Variants in SLC9A9 observed in about 807,000 individuals in gnomAD.
The protein encoded by SLC9A9 is solute carrier family 9 member A9.
SLC9A9 carries 62 observed loss-of-function variants against 77.8 expected under a neutral mutation model. The ratio of observed to expected loss-of-function variants is 0.80; its 90% confidence interval spans 0.65 to 0.98. The LOEUF is 0.98. Ranked by LOEUF, SLC9A9 falls within the 50% of genes least tolerant of loss-of-function variation. SLC9A9 has a pLI of 0.00. For synonymous variants in SLC9A9, 320 were observed against 283.5 expected (o/e 1.13, Z -1.29); for missense variants, 775 against 774.9 (o/e 1.00, Z 0.00).
chr3:143,366,525 T>C (rs2032906617), intron 13 of SLC9A9, among the ~76,000 whole-genome samples: 2 of 152,330 alleles, frequency 1.3e-5, no homozygotes, highest in South Asian at 4.1e-4. Context: ...GGCTGCAGTT[T>C]CCTTGTCTGT....
intron 9 of SLC9A9, among the ~76,000 whole-genome samples, chr3:143,532,594 A>AT: frequency 6.6e-6 from 1 of 152,330 alleles, no homozygotes; most frequent in East Asian, 1.9e-4. Context: ...AAAATCATGA[A>AT]ACTCGAATAT....
chr3:143,786,692 AT>A lies in SLC9A9; in HGVS notation c.533+8308del, dbSNP rs531372120. ...GGTTGTACTTGACAGATTAGAGATT[AT>A]TTTTTCTTATTTGGCTGTGTCAGGG... On this transcript the variant is annotated intron_variant, in intron 4 of 15. Transcript: ENST00000316549. Among the ~76,000 whole-genome samples the A allele has an allele frequency of 7.2e-5, 11 of 152,176 alleles. No homozygotes were observed. The East Asian group carries it at 2.1e-3, about 29-fold the overall frequency.
At chr3:143,666,548 C>T (rs952288392) in intron 5 of SLC9A9, among the ~76,000 whole-genome samples, 1 of 152,048 alleles carries the variant, frequency 6.6e-6, no homozygotes, top group African/African-American at 2.4e-5. Context: ...TCAAATTGTC[C>T]CTGTTTGCAG....
intron 12 of SLC9A9, among the ~76,000 whole-genome samples, chr3:143,442,625 G>A (rs1390336639): frequency 1.3e-5 from 2 of 152,200 alleles, no homozygotes; most frequent in African/African-American, 4.8e-5. Context: ...GGAGGCTGAG[G>A]GAGGGAGAAT....
intron 6 of SLC9A9, among the ~76,000 whole-genome samples, chr3:143,599,482 TG>T (rs1330088278): frequency 6.6e-6 from 1 of 152,108 alleles, no homozygotes; most frequent in Non-Finnish European, 1.5e-5. Flanking sequence ...TGCTATTAAT[TG>T]TAGTTGAGAT....
chr3:143,672,714 C>T (rs2039177830), intron 5 of SLC9A9, among the ~76,000 whole-genome samples: 1 of 152,036 alleles, frequency 6.6e-6, no homozygotes, highest in Non-Finnish European at 1.5e-5. Flanking sequence ...CAGCAAAATG[C>T]CCTGTTTAAT....
At chr3:143,595,543 G>C (rs902604971) in intron 6 of SLC9A9, among the ~76,000 whole-genome samples, 3 of 152,152 alleles carry the variant, frequency 2.0e-5, no homozygotes, top group Non-Finnish European at 4.4e-5. Context: ...TGTTAGAGTT[G>C]TATTCCTCTT....
intron 5 of SLC9A9, among the ~76,000 whole-genome samples, chr3:143,658,448 C>T (rs2038930194): frequency 6.6e-6 from 1 of 152,196 alleles, no homozygotes; most frequent in Admixed American, 6.5e-5. Context: ...CATGCAATAA[C>T]CAGCTGATTC....
chr3:143,795,743 A>C (rs2008368301), intron 3 of SLC9A9, among the ~76,000 whole-genome samples: 1 of 152,142 alleles, frequency 6.6e-6, no homozygotes, highest in African/African-American at 2.4e-5. Context: ...ACAAAACAAA[A>C]CAAATCCCCC....
At chr3:143,830,013 A>G (rs950481841) in intron 2 of SLC9A9, among the ~76,000 whole-genome samples, 3 of 152,140 alleles carry the variant, frequency 2.0e-5, no homozygotes, top group African/African-American at 4.8e-5. Context: ...ACATTACTCA[A>G]TGTTACCTCC....
intron 4 of SLC9A9, among the ~76,000 whole-genome samples, chr3:143,709,792 A>C (rs1036106253): frequency 2.0e-5 from 3 of 152,188 alleles, no homozygotes; most frequent in Non-Finnish European, 4.4e-5. Context: ...TAGGAAATGA[A>C]AAAACGAGTG....
At chr3:143,595,340 T>G (rs1462719181) in intron 6 of SLC9A9, among the ~76,000 whole-genome samples, 1 of 152,230 alleles carries the variant, frequency 6.6e-6, no homozygotes, top group Non-Finnish European at 1.5e-5. Flanking sequence ...CAGATGGTGA[T>G]GATCCATTTT....
intron 7 of SLC9A9, among the ~76,000 whole-genome samples, chr3:143,577,681 C>T (rs2037383786): frequency 6.6e-6 from 1 of 152,178 alleles, no homozygotes; most frequent in Non-Finnish European, 1.5e-5. Context: ...TAGAATGAAG[C>T]ATTTTAGCAG....
At chr3:143,621,168 C>T (rs2038205120) in intron 6 of SLC9A9, among the ~76,000 whole-genome samples, 1 of 152,238 alleles carries the variant, frequency 6.6e-6, no homozygotes, top group Non-Finnish European at 1.5e-5. Context: ...CTGCCTGCCT[C>T]TGTAGACTCC....
At chr3:143,682,093 T>C (rs993674694) in intron 5 of SLC9A9, among the ~76,000 whole-genome samples, 12 of 152,158 alleles carry the variant, frequency 7.9e-5, no homozygotes, top group Non-Finnish European at 1.5e-5. Flanking sequence ...TATCTGTTAT[T>C]TCTGTAGGGT....
At chr3:143,413,321 C>T (rs2108521254) in intron 12 of SLC9A9, among the ~76,000 whole-genome samples, 1 of 152,314 alleles carries the variant, frequency 6.6e-6, no homozygotes, top group East Asian at 1.9e-4. Flanking sequence ...GCCTCTGACA[C>T]TTCAGGAAGT....
At chr3:143,833,240 T>C (rs1312661705) in intron 1 of SLC9A9, among the ~76,000 whole-genome samples, 1 of 152,208 alleles carries the variant, frequency 6.6e-6, no homozygotes, top group Non-Finnish European at 1.5e-5. Context: ...CTCTTATGAA[T>C]CTGGTCATCT....
chr3:143,693,137 T>C (rs1933527006), intron 5 of SLC9A9, 55 bp downstream of exon 5: 1 of 1,386,334 alleles, frequency 7.2e-7, no homozygotes, highest in African/African-American at 1.4e-5. Flanking sequence ...GGGAGAAACA[T>C]TCAATTTAAA....
At chr3:143,634,236 T>C (rs2038476680) in intron 6 of SLC9A9, among the ~76,000 whole-genome samples, 1 of 152,176 alleles carries the variant, frequency 6.6e-6, no homozygotes, top group Non-Finnish European at 1.5e-5. Flanking sequence ...GTGGGTCCTT[T>C]ATGTCTATCT....
Sources: gnomAD v4.1 joint callset for allele counts (sites outside exome capture counted in the v4.1 genomes callset) on GRCh38, gnomAD v4.1.1 for gene constraint, MANE v1.5 for transcripts, NCBI Gene and HGNC (gene_info 2026-07-23, HGNC 2026-07-21) for gene names.